Variants in PMM1 observed in about 807,000 individuals in gnomAD.
The protein encoded by PMM1 is brain glucose-1,6-bisphosphatase.
PMM1 carries 25 observed loss-of-function variants against 34.0 expected under a neutral mutation model. The ratio of observed to expected loss-of-function variants is 0.73; its 90% CI spans 0.54 to 1.03. The LOEUF (loss-of-function observed/expected upper bound fraction) is 1.03, where lower values mean the gene tolerates loss of function less well. Ranked by LOEUF, PMM1 falls within the 50% of genes least tolerant of loss-of-function variation. The pLI is 0.00. For synonymous variants in PMM1, 134 were observed against 143.9 expected (o/e 0.93, Z 0.49); for missense variants, 321 against 350.1 (o/e 0.92, Z 0.66).
intron 2 of PMM1, among the ~76,000 whole-genome samples, chr22:41,585,682 G>A (rs1024723792): frequency 3.3e-5 from 5 of 151,824 alleles, no homozygotes; most frequent in Non-Finnish European, 4.4e-5. Flanking sequence ...TAGTAGAGAC[G>A]GGGTTTCACC....
At chr22:41,578,954 C>T (rs1371913970) in intron 5 of PMM1, 73 bp from the exon 6 acceptor site, 2 of 1,312,930 alleles carry the variant, frequency 1.5e-6, no homozygotes, top group Non-Finnish European at 2.2e-6. Context: ...GCACACAGTC[C>T]ACGTGAGCGT....
At chr22:41,588,332 G>A (rs2067336592) in intron 1 of PMM1, among the ~76,000 whole-genome samples, 1 of 152,236 alleles carries the variant, frequency 6.6e-6, no homozygotes, top group Admixed American at 6.5e-5. Flanking sequence ...TGATTCTCCT[G>A]CCTCAGCCTC....
intron 1 of PMM1, chr22:41,589,343 G>A (rs2067352911): frequency 2.3e-6 from 1 of 437,670 alleles, no homozygotes; most frequent in Non-Finnish European, 4.4e-6. Context: ...GACCACTGGT[G>A]TGTCGTAGGG....
intron 1 of PMM1, 122 bp from the exon 2 acceptor site, chr22:41,586,315 A>C: frequency 6.5e-7 from 1 of 1,534,504 alleles, no homozygotes; most frequent in Non-Finnish European, 8.7e-7. Flanking sequence ...GAAGCAGTAC[A>C]AAGCTTAGAC....
intron 2 of PMM1, among the ~76,000 whole-genome samples, chr22:41,585,573 C>A (rs1601494728): frequency 6.6e-6 from 1 of 152,028 alleles, no homozygotes; most frequent in South Asian, 2.1e-4. Context: ...CTCACTGCAA[C>A]CTCCGCCTCC....
intron 1 of PMM1, among the ~76,000 whole-genome samples, chr22:41,587,034 G>A (rs1039404354): frequency 1.3e-5 from 2 of 150,852 alleles, no homozygotes; most frequent in African/African-American, 4.9e-5. Flanking sequence ...TTGGGAGGCC[G>A]AGGCGGGTGG....
At chr22:41,589,566 G>A (rs1158817651) in intron 1 of PMM1, 153 bp downstream of exon 1, 11 of 653,728 alleles carry the variant, frequency 1.7e-5, no homozygotes, top group East Asian at 1.6e-4. Context: ...CTCACTCCCG[G>A]TGGGTGGCCC....
intron 1 of PMM1, among the ~76,000 whole-genome samples, chr22:41,588,440 T>TA (rs1218989992): frequency 1.3e-5 from 2 of 152,208 alleles, no homozygotes; most frequent in African/African-American, 4.8e-5. Flanking sequence ...AGGCTGGTCT[T>TA]AAACTCCTGA....
rs2145605332 is a variant in PMM1, at chr22:41,577,021, G to A, written c.*297C>T. 5 of 455,990 alleles carry A rather than the reference G, an allele frequency of 1.1e-5. No homozygotes were observed. Among genetic ancestry groups the A allele is most frequent in the East Asian group, 8.9e-5 (2 of 22,530 alleles). The allele number at this position is 455,990 out of a possible 1,614,324, so 28.2% of individuals were successfully genotyped here. ...AGATCTCGTACCGATACTTGAGCAC[G>A]CCTCCTCCTGGTGCAGAAAGAAACC... On this transcript the variant is annotated 3_prime_UTR_variant, in exon 8 of 8. Coordinates refer to ENST00000216259, the MANE Select transcript of PMM1 (RefSeq NM_002676.3).
At chr22:41,582,108 C>A (rs1382145665) in intron 5 of PMM1, among the ~76,000 whole-genome samples, 2 of 150,674 alleles carry the variant, frequency 1.3e-5, no homozygotes, top group African/African-American at 4.9e-5. Context: ...TGTGCCACAG[C>A]ACTCCAGCCT....
intron 5 of PMM1, among the ~76,000 whole-genome samples, chr22:41,583,695 G>C (rs564582952): frequency 2.4e-4 from 37 of 152,250 alleles, no homozygotes; most frequent in Middle Eastern, 6.8e-3. Context: ...TGGACCCGAT[G>C]TGGGTGGGAA....
At position 41,589,713 on chromosome 22, in the gene PMM1, T is replaced by G. The variant is rs753601755; in HGVS notation, c.87+6A>C. The G allele has an allele frequency of 6.2e-7, 1 of 1,608,736 alleles. No homozygotes were observed. The highest frequency in any genetic ancestry group is 1.1e-5 in the South Asian group (1 of 90,116). Reference sequence around the variant, plus strand: ...CGGTGGGAGCTTCCAATCTTCAGGGTCCTACCTGGCGAGCCGGCGTGAGGG... The same window carrying G: ...CGGTGGGAGCTTCCAATCTTCAGGGGCCTACCTGGCGAGCCGGCGTGAGGG... On this transcript the variant is annotated splice_donor_region_variant and intron_variant, in intron 1 of 7. Coordinates refer to ENST00000216259, the MANE Select transcript of PMM1 (RefSeq NM_002676.3).
intron 1 of PMM1, chr22:41,588,869 G>A: frequency 1.0e-6 from 1 of 983,632 alleles, no homozygotes; most frequent in Non-Finnish European, 1.2e-6. Flanking sequence ...GGTCCTTGAG[G>A]CCCCCAGACT....
intron 1 of PMM1, among the ~76,000 whole-genome samples, chr22:41,586,966 A>G (rs1476441258): frequency 1.4e-5 from 2 of 145,412 alleles, no homozygotes; most frequent in Non-Finnish European, 3.0e-5. Flanking sequence ...AAAAATTAAA[A>G]AAAAAAAAAA....
chr22:41,585,388 G>A (rs1347905078), intron 2 of PMM1: 2 of 152,170 alleles, frequency 1.3e-5, no homozygotes, highest in African/African-American at 2.4e-5. Flanking sequence ...TCTAAAGTGT[G>A]ATTGTGGGGA....
At chr22:41,577,949 T>G (rs367648322) in intron 6 of PMM1, 26 bp from the exon 7 acceptor site, 1 of 1,538,578 alleles carries the variant, frequency 6.5e-7, no homozygotes, top group Non-Finnish European at 9.0e-7. Context: ...GGGACTGTTA[T>G]TCCCTGCTGG....
rs11705640 is a variant in PMM1 at position 41,577,889 on chromosome 22, G to A, written c.585C>T (p.Gly195=). The change falls in exon 7 of 8, where the codon GGC becomes GGT. Residue 195 remains glycine (G), a synonymous_variant. Transcript: ENST00000216259. ...TATCCAGGCAGTAGCGCTTGTCCCA[G>A]CCCTCGGGGAAGACGTCAAAGCTGA... ...GMISFDVFPE[G]WDKRYCLDSL... is the part of the protein sequence containing the mutation. 6.2e-7 allele frequency: 1 copy of A among 1,613,446 alleles called. No homozygotes were observed. The highest frequency in any genetic ancestry group is 1.1e-5 in the South Asian group (1 of 91,086).
intron 1 of PMM1, among the ~76,000 whole-genome samples, chr22:41,587,888 C>T (rs537685114): frequency 2.6e-5 from 4 of 152,180 alleles, no homozygotes; most frequent in African/African-American, 9.6e-5. Flanking sequence ...AAAATGTGTA[C>T]GATTAAAAAT....
chr22:41,585,907 C>T (rs1052495322), intron 2 of PMM1, among the ~76,000 whole-genome samples, 169 bp downstream of exon 2: 3 of 152,178 alleles, frequency 2.0e-5, no homozygotes, highest in Non-Finnish European at 4.4e-5. Context: ...AAGGGCCTGG[C>T]ACAATCCCTG....
Sources: gnomAD v4.1 joint callset for allele counts (sites outside exome capture counted in the v4.1 genomes callset) on GRCh38, gnomAD v4.1.1 for gene constraint, MANE v1.5 for transcripts, NCBI Gene and HGNC (gene_info 2026-07-23, HGNC 2026-07-21) for gene names.